The following FAT4 variants were observed in gnomAD, a reference collection of about 807,000 sequenced individuals.
FAT4 encodes protocadherin Fat 4.
A neutral mutation model predicts 303.9 loss-of-function variants in FAT4; 84 were observed. The observed-to-expected ratio is 0.28, with a 90% CI of 0.23 to 0.33. The LOEUF is 0.33. Ranked by LOEUF, FAT4 falls within the 10% of genes least tolerant of loss-of-function variation. FAT4 has a pLI of 1.00. For synonymous variants in FAT4, 2,307 were observed against 2,298.8 expected, an observed-to-expected ratio of 1.00 and a Z score of -0.10; for missense variants, 6,005 against 6,146.8, an observed-to-expected ratio of 0.98 and a Z score of 0.77.
chr4:125,463,527 T>A, intron 10 of FAT4, 36 bp from the exon 11 acceptor site: 1 of 1,294,834 alleles, frequency 7.7e-7, no homozygotes, highest in East Asian at 2.5e-5. Flanking sequence ...TATTTATGTA[T>A]GAGATTTAAA....
intron 10 of FAT4, among the ~76,000 whole-genome samples, chr4:125,462,120 T>A (rs531478956): frequency 1.3e-5 from 2 of 152,102 alleles, no homozygotes; most frequent in East Asian, 3.9e-4. Flanking sequence ...GTTGTGTTTA[T>A]GATTCTGTGA....
chr4:125,421,140 C>A (rs531633568), intron 7 of FAT4, among the ~76,000 whole-genome samples: 9 of 152,228 alleles, frequency 5.9e-5, no homozygotes, highest in African/African-American at 1.9e-4. Flanking sequence ...CCAGGCTGGT[C>A]TCGAACCCCT....
chr4:125,455,857 C>T (rs903011941), intron 10 of FAT4, among the ~76,000 whole-genome samples: 2 of 152,172 alleles, frequency 1.3e-5, no homozygotes, highest in African/African-American at 4.8e-5. Flanking sequence ...TACTCTCAGA[C>T]TTTGAGGCAG....
chr4:125,440,608 T>TGAGAGA (rs766978076), intron 8 of FAT4, among the ~76,000 whole-genome samples: 1,493 of 57,032 alleles, frequency 0.026, 12 homozygotes, highest in Middle Eastern at 0.049. Context: ...TGTGTGTGTG[T>TGAGAGA]GTGAGAGAGA....
rs770072504 is a variant in FAT4 at position 125,318,107 on chromosome 4, G to T, written c.1696G>T (p.Ala566Ser). The change falls in exon 2 of 18, where the codon GCC (alanine) becomes TCC (serine). Residue 566 changes from alanine to serine, a missense_variant. Coordinates refer to ENST00000394329, the MANE Select transcript of FAT4 (RefSeq NM_001291303.3). Reference protein sequence around the residue: ...DQGVHPKVSYAQLVVTLLDVN... With the variant: ...DQGVHPKVSYSQLVVTLLDVN... ...GGGAGTTCACCCCAAGGTGTCCTAT[G>T]CCCAGCTTGTAGTAACTCTCCTAGA... The T allele has an allele frequency of 5.0e-6, 8 of 1,614,120 alleles. No homozygotes were observed. In the South Asian group the frequency reaches 8.8e-5, roughly 18 times the overall value.
chr4:125,371,353 T>C (rs1733106742), intron 2 of FAT4, among the ~76,000 whole-genome samples: 1 of 151,888 alleles, frequency 6.6e-6, no homozygotes, highest in East Asian at 1.9e-4. Context: ...TATTATACTG[T>C]GTATGCCTTT....
Position 125,492,877 on chromosome 4 carries a change from T to C in FAT4, c.*1109T>C, listed in dbSNP as rs1175500381. 1 of 152,556 alleles carries C rather than the reference T, an allele frequency of 6.6e-6. No individual in the cohort carries two copies. The highest frequency in any genetic ancestry group is 2.4e-5 in the African/African-American group (1 of 41,458). 9.5% of individuals were successfully genotyped at this position (152,556 alleles called of 1,614,324 possible). ...TCTCATTTTGATATTTGTAACATAC[T>C]GTATGCTTTCTACTTGTAAATGTCA... On this transcript the variant is annotated 3_prime_UTR_variant, in exon 18 of 18. Transcript: ENST00000394329.
chr4:125,374,830 G>A (rs1264457921), intron 2 of FAT4, among the ~76,000 whole-genome samples: 3 of 152,094 alleles, frequency 2.0e-5, no homozygotes, highest in Non-Finnish European at 2.9e-5. Flanking sequence ...GAATAATTAA[G>A]TATTCAGATA....
At chr4:125,358,781 T>G (rs1732536203) in intron 2 of FAT4, among the ~76,000 whole-genome samples, 1 of 152,166 alleles carries the variant, frequency 6.6e-6, no homozygotes, top group African/African-American at 2.4e-5. Flanking sequence ...ACCCCTTATC[T>G]ACATCCACGT....
chr4:125,423,409 C>G (rs1724975874), intron 7 of FAT4, among the ~76,000 whole-genome samples: 1 of 152,158 alleles, frequency 6.6e-6, no homozygotes, highest in Admixed American at 6.5e-5. Flanking sequence ...GGCCAAGGTT[C>G]AGCTCAGGCT....
chr4:125,418,789 T>G (rs1349757625), intron 7 of FAT4, among the ~76,000 whole-genome samples: 2 of 152,150 alleles, frequency 1.3e-5, no homozygotes, highest in East Asian at 3.9e-4. Flanking sequence ...ACTACATGGT[T>G]TAAAGGAGAA....
At position 125,436,802 on chromosome 4, in the gene FAT4, A is replaced by G. The variant is rs141322388; in HGVS notation, c.7199+2377A>G. On this transcript the variant is annotated intron_variant, in intron 8 of 17. Transcript: ENST00000394329. ...ATGCTCGAAGCTGCCCCCATGATTC[A>G]ATTATCTCCACCTGACCCTGCCCTT... Among the ~76,000 whole-genome samples, 241 of 152,182 alleles carry G rather than the reference A, an allele frequency of 1.6e-3. 2 individuals are homozygous for G. Among genetic ancestry groups the G allele is most frequent in the African/African-American group, 5.3e-3 (219 of 41,526 alleles).
intron 12 of FAT4, 114 bp from the exon 13 acceptor site, chr4:125,476,057 A>G (rs1407934440): frequency 2.0e-6 from 1 of 510,800 alleles, no homozygotes; most frequent in East Asian, 3.1e-5. Flanking sequence ...TCAAGATGTT[A>G]TCATAGTTTC....
intron 15 of FAT4, 99 bp from the exon 16 acceptor site, chr4:125,481,422 C>A: frequency 9.9e-7 from 1 of 1,005,530 alleles, no homozygotes; most frequent in Non-Finnish European, 1.5e-6. Context: ...CCCAAAACGA[C>A]ATTTTCATTG....
chr4:125,448,321 G>A, intron 9 of FAT4, 140 bp from the exon 10 acceptor site: 1 of 744,048 alleles, frequency 1.3e-6, no homozygotes, highest in Admixed American at 2.9e-5. Context: ...AGAAAATATA[G>A]GAGATACTGT....
chr4:125,319,394 G>A lies in FAT4; in HGVS notation c.2983G>A (p.Val995Met), dbSNP rs1459045313. Reference sequence around the variant, plus strand: ...CCATGATGTAAATGACAATTCACCAGTGTTTGACCAACTCTCTTATGAAGT... The same window carrying A: ...CCATGATGTAAATGACAATTCACCAATGTTTGACCAACTCTCTTATGAAGT... ...YVHDVNDNSP[V>M]FDQLSYEVTL... The change falls in exon 2 of 18, where the codon GTG becomes ATG. Residue 995 changes from valine (V) to methionine (M), a missense_variant. Physicochemically the swap from Val to Met is conservative, Grantham distance 21. Coordinates refer to ENST00000394329, the MANE Select transcript of FAT4 (RefSeq NM_001291303.3). 1 of 1,613,352 alleles carries A rather than the reference G, an allele frequency of 6.2e-7. No homozygotes were observed. Among genetic ancestry groups the A allele is most frequent in the Non-Finnish European group, 8.5e-7 (1 of 1,179,800 alleles).
At chr4:125,413,643 T>C (rs56246184) in intron 5 of FAT4, among the ~76,000 whole-genome samples, 9,025 of 20,514 alleles carry the variant, frequency 0.44, 272 homozygotes, top group South Asian at 0.53. Flanking sequence ...TTCTACATGG[T>C]AGAAAAAAAT....
intron 12 of FAT4, among the ~76,000 whole-genome samples, chr4:125,475,957 T>A (rs1376767917): frequency 6.6e-6 from 1 of 152,158 alleles, no homozygotes; most frequent in East Asian, 1.9e-4. Context: ...TTACCTCTCA[T>A]AGGTATAGAT....
In FAT4 at chr4:125,448,811, A is replaced by G. The variant is rs1578655249; in HGVS notation, c.7801A>G (p.Met2601Val). 2.5e-6 allele frequency: 4 copies of G among 1,609,322 alleles called. No homozygotes were observed. The highest frequency in any genetic ancestry group is 2.5e-6 in the Non-Finnish European group (3 of 1,179,856). Residue 2601 changes from methionine (M) to valine (V), a missense_variant, in exon 10 of 18, where the codon ATG (methionine) becomes GTG (valine). By Grantham distance (21) the Met-to-Val change is conservative. Transcript: ENST00000394329. ...AGGATCCTCTTTAAGAGGAGAACCT[A>G]TGTCATATTATATCGCAAGTGGGAA... ...ITGSSLRGEP[M>V]SYYIASGNLG...
Sources: allele counts gnomAD v4.1 joint callset (sites outside exome capture counted in the v4.1 genomes callset), GRCh38; gene constraint gnomAD v4.1.1; transcripts MANE v1.5; gene names NCBI Gene and HGNC (gene_info 2026-07-23, HGNC 2026-07-21).